Variants in PRKD1 observed in about 807,000 individuals in gnomAD.
PRKD1 encodes serine/threonine-protein kinase D1.
Under a neutral mutation model 95.9 loss-of-function variants are expected in PRKD1, and 63 were observed. That is an observed-to-expected ratio of 0.66 (90% confidence interval 0.54 to 0.81). PRKD1 has a LOEUF of 0.81. Among genes scored for constraint, PRKD1 ranks in the 30% least tolerant of loss-of-function variants. The probability of loss-of-function intolerance (pLI) is 0.00; values close to 1 mark genes in which losing one functional copy is unlikely to be tolerated. For synonymous variants in PRKD1, 425 were observed against 423.1 expected (o/e 1.00, Z -0.05); for missense variants, 1,048 against 1,165.3 (o/e 0.90, Z 1.47).
rs572314297 is a variant in PRKD1 at position 29,620,015 on chromosome 14, C to T, written c.1905+4137G>A. ...AACAGAACAGAGCCCTCAGAAATGACGCCGCATATCTACAACTGTCTGATC... is the reference window on the plus strand; with the variant it reads ...AACAGAACAGAGCCCTCAGAAATGATGCCGCATATCTACAACTGTCTGATC... On this transcript the variant is annotated intron_variant, in intron 13 of 17. Transcript: ENST00000331968. 5.4e-3 allele frequency among the ~76,000 whole-genome samples: 820 copies of T among 151,884 alleles called. 13 individuals carry two copies. The highest frequency in any genetic ancestry group is 0.018 in the African/African-American group (760 of 41,360).
At chr14:29,920,274 A>G (rs1208367644) in intron 1 of PRKD1, among the ~76,000 whole-genome samples, 1 of 152,156 alleles carries the variant, frequency 6.6e-6, no homozygotes, top group Non-Finnish European at 1.5e-5. Flanking sequence ...ATGCTGGGGA[A>G]ATTAAAAGAT....
At chr14:29,700,863 A>T (rs1397421493) in intron 2 of PRKD1, among the ~76,000 whole-genome samples, 1 of 152,030 alleles carries the variant, frequency 6.6e-6, no homozygotes, top group Admixed American at 6.6e-5. Flanking sequence ...CTGCTACCCT[A>T]TCCTACAGAT....
chr14:29,768,933 C>T (rs879697233), intron 1 of PRKD1, among the ~76,000 whole-genome samples: 1 of 152,092 alleles, frequency 6.6e-6, no homozygotes, highest in South Asian at 2.1e-4. Context: ...ATCCAGCATC[C>T]GGGAGCCCAA....
At chr14:29,619,803 A>C (rs1343541664) in intron 13 of PRKD1, among the ~76,000 whole-genome samples, 1 of 152,122 alleles carries the variant, frequency 6.6e-6, no homozygotes, top group Non-Finnish European at 1.5e-5. Context: ...TTACTGAGAG[A>C]CTAATGTATC....
At chr14:29,726,433 G>C (rs902560082) in intron 1 of PRKD1, among the ~76,000 whole-genome samples, 4 of 152,066 alleles carry the variant, frequency 2.6e-5, no homozygotes, top group Non-Finnish European at 4.4e-5. Context: ...TGCTATTTCT[G>C]CCATAAATTG....
intron 17 of PRKD1, 133 bp from the exon 18 acceptor site, chr14:29,577,589 G>C: frequency 1.2e-6 from 1 of 838,124 alleles, no homozygotes. Context: ...CTTTCATCAC[G>C]CATCCTCAAG....
intron 1 of PRKD1, among the ~76,000 whole-genome samples, chr14:29,790,851 A>G (rs1458162648): frequency 1.3e-5 from 2 of 152,340 alleles, no homozygotes; most frequent in East Asian, 3.9e-4. Flanking sequence ...TAATCTACTA[A>G]TTATGTAATT....
intron 1 of PRKD1, among the ~76,000 whole-genome samples, chr14:29,881,361 C>T (rs1035706230): frequency 6.6e-6 from 1 of 152,230 alleles, no homozygotes; most frequent in Non-Finnish European, 1.5e-5. Flanking sequence ...AGCCTTTCAC[C>T]TCCCACCATG....
At chr14:29,784,501 A>G (rs530326959) in intron 1 of PRKD1, among the ~76,000 whole-genome samples, 1 of 152,298 alleles carries the variant, frequency 6.6e-6, no homozygotes, top group African/African-American at 2.4e-5. Flanking sequence ...CATTTTAATA[A>G]TATTAATTAT....
chr14:29,892,741 G>A (rs916392262), intron 1 of PRKD1, among the ~76,000 whole-genome samples: 22 of 152,084 alleles, frequency 1.4e-4, no homozygotes, highest in African/African-American at 5.1e-4. Flanking sequence ...CTGTCCTGTT[G>A]GTACTTTAAA....
In PRKD1 at chr14:29,665,316, A is replaced by T. The variant is rs748021491; in HGVS notation, c.535+761T>A. ...GTGGTAAAGTCTGGGCTTTTAGTGT[A>T]GCTGTCACCCAAATGGTTTATGTTC... On this transcript the variant is annotated intron_variant, in intron 3 of 17. Coordinates refer to ENST00000331968, the MANE Select transcript of PRKD1 (RefSeq NM_002742.3). 3.3e-5 allele frequency among the ~76,000 whole-genome samples: 5 copies of T among 152,132 alleles called. 1 individual carries two copies. The highest frequency in any genetic ancestry group is 4.8e-5 in the African/African-American group (2 of 41,414).
intron 1 of PRKD1, among the ~76,000 whole-genome samples, chr14:29,836,551 C>T (rs1039068391): frequency 6.6e-6 from 1 of 152,080 alleles, no homozygotes; most frequent in South Asian, 2.1e-4. Flanking sequence ...TCAGAGTCCA[C>T]CAGACCATGC....
chr14:29,752,494 G>A (rs1005524311), intron 1 of PRKD1, among the ~76,000 whole-genome samples: 1 of 151,938 alleles, frequency 6.6e-6, no homozygotes, highest in Non-Finnish European at 1.5e-5. Flanking sequence ...AAGTCAGTAG[G>A]TGGATTTCCA....
At chr14:29,665,980 C>T in intron 3 of PRKD1, 97 bp downstream of exon 3, 1 of 1,345,986 alleles carries the variant, frequency 7.4e-7, no homozygotes, top group Non-Finnish European at 9.9e-7. Flanking sequence ...GGTTGATGGG[C>T]ACTTAGCTTT....
intron 1 of PRKD1, among the ~76,000 whole-genome samples, chr14:29,891,906 A>G (rs901603291): frequency 6.6e-6 from 1 of 152,144 alleles, no homozygotes. Flanking sequence ...TTTTATTACA[A>G]CTTCTAAAAA....
At chr14:29,634,334 A>T in intron 8 of PRKD1, 84 bp downstream of exon 8, 1 of 1,596,912 alleles carries the variant, frequency 6.3e-7, no homozygotes, top group Non-Finnish European at 8.6e-7. Flanking sequence ...GTAATGCAGA[A>T]ATCTCACAGT....
chr14:29,625,757 T>C (rs1879578028), intron 12 of PRKD1, among the ~76,000 whole-genome samples: 2 of 152,066 alleles, frequency 1.3e-5, no homozygotes, highest in African/African-American at 4.8e-5. Flanking sequence ...TACAATATCA[T>C]ATAGTGATAA....
intron 16 of PRKD1, among the ~76,000 whole-genome samples, chr14:29,593,101 C>T (rs948019276): frequency 1.3e-5 from 2 of 152,030 alleles, no homozygotes; most frequent in Non-Finnish European, 2.9e-5. Flanking sequence ...TAAAACAATC[C>T]TTTGAGTAAA....
At chr14:29,764,970 C>T (rs1020566657) in intron 1 of PRKD1, among the ~76,000 whole-genome samples, 20 of 151,968 alleles carry the variant, frequency 1.3e-4, no homozygotes, top group African/African-American at 4.4e-4. Context: ...TTTTGGAATC[C>T]CAACATAAAC....
Sources: allele counts gnomAD v4.1 joint callset (sites outside exome capture counted in the v4.1 genomes callset), GRCh38; gene constraint gnomAD v4.1.1; transcripts MANE v1.5; gene names NCBI Gene and HGNC (gene_info 2026-07-23, HGNC 2026-07-21).